Variants in DAB1 observed in about 807,000 individuals in gnomAD.
The protein encoded by DAB1 is disabled homolog 1.
A neutral mutation model predicts 64.6 loss-of-function variants in DAB1; 15 were observed. The observed-to-expected ratio is 0.23, with a 90% CI of 0.16 to 0.36. The LOEUF is 0.36. DAB1 is among the 10% of genes least tolerant of loss of function. The pLI is 1.00. For synonymous variants in DAB1, 235 were observed against 251.9 expected (o/e 0.93, Z 0.64); for missense variants, 596 against 706.7 (o/e 0.84, Z 1.78).
intron 1 of DAB1, chr1:58,530,555 C>CT: frequency 1.2e-6 from 1 of 824,996 alleles, no homozygotes; most frequent in East Asian, 2.4e-5. Flanking sequence ...ATTAAAATAT[C>CT]TTCACCAGAG....
intron 4 of DAB1, among the ~76,000 whole-genome samples, chr1:58,317,749 C>T (rs975616096): frequency 2.0e-5 from 3 of 152,220 alleles, no homozygotes; most frequent in African/African-American, 4.8e-5. Context: ...TCCTCTGAGC[C>T]TGTCTGGACT....
chr1:57,814,447 T>C (rs1175498508), intron 6 of DAB1, among the ~76,000 whole-genome samples: 1 of 152,144 alleles, frequency 6.6e-6, no homozygotes, highest in East Asian at 1.9e-4. Context: ...GAAAAATATA[T>C]ATTCATTTGC....
At chr1:57,640,184 A>C (rs2101640559) in intron 7 of DAB1, among the ~76,000 whole-genome samples, 1 of 152,298 alleles carries the variant, frequency 6.6e-6, no homozygotes, top group African/African-American at 2.4e-5. Flanking sequence ...TTGGGGCCTC[A>C]AATTCCTCAT....
At chr1:57,831,727 A>T (rs852785) in intron 1 of DAB1, among the ~76,000 whole-genome samples, 36,633 of 151,622 alleles carry the variant, frequency 0.24, 4,979 homozygotes, top group Middle Eastern at 0.32. Flanking sequence ...TATCTTTTGT[A>T]GAGACAGGGT....
intron 6 of DAB1, among the ~76,000 whole-genome samples, chr1:57,796,600 C>T (rs554170556): frequency 6.6e-6 from 1 of 151,980 alleles, no homozygotes; most frequent in East Asian, 1.9e-4. Flanking sequence ...TCTCTCTCTT[C>T]CCCTGCACCT....
chr1:57,264,390 A>G (rs1670422417), intron 2 of DAB1, among the ~76,000 whole-genome samples: 1 of 152,238 alleles, frequency 6.6e-6, no homozygotes, highest in South Asian at 2.1e-4. Flanking sequence ...TGATCATTGA[A>G]TAAGGTGAAT....
At chr1:58,007,939 T>G (rs1646610593) in intron 5 of DAB1, among the ~76,000 whole-genome samples, 1 of 152,214 alleles carries the variant, frequency 6.6e-6, no homozygotes, top group Non-Finnish European at 1.5e-5. Flanking sequence ...TTATATTACT[T>G]TATAATACCT....
At chr1:57,363,027 G>A (rs1337459215) in intron 1 of DAB1, among the ~76,000 whole-genome samples, 1 of 152,026 alleles carries the variant, frequency 6.6e-6, no homozygotes. Flanking sequence ...CATTTCTTAG[G>A]TGAATTCCTT....
intron 3 of DAB1, among the ~76,000 whole-genome samples, chr1:58,495,184 C>T (rs1011635458): frequency 6.6e-6 from 1 of 152,114 alleles, no homozygotes; most frequent in Non-Finnish European, 1.5e-5. Flanking sequence ...AAACTAAACA[C>T]TGCAGGTTCT....
Position 57,014,955 on chromosome 1 carries a change from C to T in DAB1, c.1372G>A (p.Asp458Asn), listed in dbSNP as rs747031944. 6 of 1,613,100 alleles carry T rather than the reference C, an allele frequency of 3.7e-6. No homozygotes were observed. The highest frequency in any genetic ancestry group is 2.2e-5 in the East Asian group (1 of 44,876). ...TGGGAGATGTCAAAGTCATCACAGT[C>T]GTCTGTATCCTGTGCCACCCCGACT... ...NKVGVAQDTD[D>N]CDDFDISQLN... Residue 458 changes from aspartate (D) to asparagine (N), a missense_variant, in exon 12 of 15, where the codon GAC (aspartate) becomes AAC (asparagine). Asp to Asn is a conservative substitution (Grantham distance 23). Coordinates refer to ENST00000371236, the MANE Select transcript of DAB1 (RefSeq NM_001365792.1).
intron 5 of DAB1, among the ~76,000 whole-genome samples, chr1:57,990,873 T>C (rs1646327315): frequency 1.3e-5 from 2 of 152,150 alleles, no homozygotes; most frequent in African/African-American, 4.8e-5. Flanking sequence ...ACACAGTGTT[T>C]AGGGTACTCA....
chr1:58,058,178 G>A (rs942128175), intron 5 of DAB1, among the ~76,000 whole-genome samples: 1 of 152,020 alleles, frequency 6.6e-6, no homozygotes, highest in Non-Finnish European at 1.5e-5. Context: ...ATGCTGACTA[G>A]TACTCATTAA....
chr1:57,053,666 G>GTATATATA (rs71051215), intron 9 of DAB1, among the ~76,000 whole-genome samples: 204 of 99,108 alleles, frequency 2.1e-3, no homozygotes, highest in East Asian at 9.4e-3. Context: ...CTCTCTATAT[G>GTATATATA]TATATATATA....
intron 5 of DAB1, among the ~76,000 whole-genome samples, chr1:58,054,375 T>C (rs985868792): frequency 1.3e-5 from 2 of 152,208 alleles, no homozygotes; most frequent in African/African-American, 4.8e-5. Flanking sequence ...TTGGTCCAGG[T>C]TTCTTCCTTT....
At chr1:57,104,575 G>A (rs1654970369) in intron 4 of DAB1, among the ~76,000 whole-genome samples, 1 of 152,152 alleles carries the variant, frequency 6.6e-6, no homozygotes, top group Non-Finnish European at 1.5e-5. Context: ...ATTTCAGGGA[G>A]ACTGTGTATT....
At chr1:58,082,535 A>T (rs1358669306) in intron 5 of DAB1, among the ~76,000 whole-genome samples, 1 of 152,078 alleles carries the variant, frequency 6.6e-6, no homozygotes, top group Admixed American at 6.6e-5. Context: ...AGTGAGAAGG[A>T]CTCCAAGGGT....
At chr1:58,235,557 G>C (rs1659984323) in intron 4 of DAB1, among the ~76,000 whole-genome samples, 1 of 152,164 alleles carries the variant, frequency 6.6e-6, no homozygotes, top group African/African-American at 2.4e-5. Context: ...AATGTAAAGA[G>C]TGTGTGTGGG....
intron 1 of DAB1, among the ~76,000 whole-genome samples, chr1:57,362,547 C>T (rs1679639663): frequency 6.6e-6 from 1 of 152,064 alleles, no homozygotes; most frequent in South Asian, 2.1e-4. Flanking sequence ...GTGGGGTCTT[C>T]TTGAGGTGAT....
intron 1 of DAB1, chr1:57,307,276 T>C (rs1228009082): frequency 6.6e-6 from 1 of 152,238 alleles, no homozygotes; most frequent in Non-Finnish European, 1.5e-5. Context: ...AGGACTGGAC[T>C]CCATGCCTTT....
Sources: allele counts gnomAD v4.1 joint callset (sites outside exome capture counted in the v4.1 genomes callset), GRCh38; gene constraint gnomAD v4.1.1; transcripts MANE v1.5; gene names NCBI Gene and HGNC (gene_info 2026-07-23, HGNC 2026-07-21).